LRFN2: variants seen among roughly 807,000 people sequenced by gnomAD.
The protein encoded by LRFN2 is leucine-rich repeat and fibronectin type-III domain-containing protein 2.
A neutral mutation model predicts 37.3 loss-of-function variants in LRFN2; 18 were observed. The observed-to-expected ratio is 0.48, with a 90% CI of 0.33 to 0.72. LRFN2 has a LOEUF of 0.72. LRFN2 is among the 30% of genes least tolerant of loss of function. LRFN2 has a pLI of 0.02. For missense variants in LRFN2, 1,006 were observed against 1,060.7 expected (o/e 0.95, Z 0.72); for synonymous variants, 556 against 466.6 (o/e 1.19, Z -2.47).
At chr6:40,479,751 C>A (rs1248091258) in intron 1 of LRFN2, among the ~76,000 whole-genome samples, 1 of 152,206 alleles carries the variant, frequency 6.6e-6, no homozygotes, top group African/African-American at 2.4e-5. Context: ...CCTGTCGTCA[C>A]CACAGAGCCC....
At chr6:40,578,743 T>C (rs1581804058) in intron 1 of LRFN2, among the ~76,000 whole-genome samples, 2 of 152,324 alleles carry the variant, frequency 1.3e-5, no homozygotes, top group South Asian at 2.1e-4. Flanking sequence ...ACCTTATGTA[T>C]AGTAGTTCAT....
intron 1 of LRFN2, among the ~76,000 whole-genome samples, chr6:40,531,213 A>G (rs1437538557): frequency 6.6e-6 from 1 of 152,158 alleles, no homozygotes; most frequent in Non-Finnish European, 1.5e-5. Context: ...GAATCCTACA[A>G]TATTTAGTCT....
At chr6:40,404,110 G>A (rs912720919) in intron 2 of LRFN2, among the ~76,000 whole-genome samples, 5 of 152,028 alleles carry the variant, frequency 3.3e-5, no homozygotes, top group African/African-American at 7.2e-5. Flanking sequence ...CCCAGATCAC[G>A]TTATCAACAC....
chr6:40,442,485 G>A (rs1192668075), intron 1 of LRFN2, among the ~76,000 whole-genome samples: 1 of 152,118 alleles, frequency 6.6e-6, no homozygotes, highest in Non-Finnish European at 1.5e-5. Flanking sequence ...AGCCAACTGG[G>A]GCTCCCTGAG....
intron 1 of LRFN2, among the ~76,000 whole-genome samples, chr6:40,557,344 A>T (rs545315393): frequency 6.6e-6 from 1 of 152,334 alleles, no homozygotes; most frequent in African/African-American, 2.4e-5. Context: ...TTACTAGTCA[A>T]GGAAACAGAG....
At chr6:40,476,093 G>T (rs1045223502) in intron 1 of LRFN2, among the ~76,000 whole-genome samples, 4 of 152,164 alleles carry the variant, frequency 2.6e-5, no homozygotes, top group African/African-American at 9.7e-5. Context: ...CCTTCCTACT[G>T]GGCTCCAGCC....
intron 1 of LRFN2, among the ~76,000 whole-genome samples, chr6:40,477,912 C>A (rs1009237238): frequency 1.3e-5 from 2 of 152,188 alleles, no homozygotes; most frequent in East Asian, 1.9e-4. Flanking sequence ...GACAATGCCA[C>A]AAGATGTTGT....
intron 1 of LRFN2, among the ~76,000 whole-genome samples, chr6:40,435,505 A>G (rs1763645830): frequency 6.6e-6 from 1 of 151,594 alleles, no homozygotes; most frequent in Non-Finnish European, 1.5e-5. Flanking sequence ...TTTGAGGAGC[A>G]CAGATGCAGA....
At chr6:40,525,920 C>G (rs149059477) in intron 1 of LRFN2, among the ~76,000 whole-genome samples, 150 of 152,304 alleles carry the variant, frequency 9.8e-4, no homozygotes, top group Middle Eastern at 6.8e-3. Flanking sequence ...ATGAACCCCC[C>G]TCAGAGGGCC....
chr6:40,482,287 C>T (rs918827824), intron 1 of LRFN2, among the ~76,000 whole-genome samples: 5 of 152,182 alleles, frequency 3.3e-5, no homozygotes, highest in Admixed American at 6.5e-5. Flanking sequence ...GAACCAGACC[C>T]GGATGACAAG....
intron 1 of LRFN2, among the ~76,000 whole-genome samples, chr6:40,554,041 C>A (rs1247638747): frequency 6.6e-6 from 1 of 152,236 alleles, no homozygotes; most frequent in Non-Finnish European, 1.5e-5. Flanking sequence ...GAATCACTGT[C>A]AACCCCCTTC....
At chr6:40,546,184 G>A (rs894417618) in intron 1 of LRFN2, among the ~76,000 whole-genome samples, 12 of 152,264 alleles carry the variant, frequency 7.9e-5, no homozygotes, top group South Asian at 4.1e-4. Context: ...CACAGTCAGC[G>A]GGTGATTGGC....
At chr6:40,416,991 T>C (rs1215355337) in intron 2 of LRFN2, among the ~76,000 whole-genome samples, 1 of 152,220 alleles carries the variant, frequency 6.6e-6, no homozygotes, top group Non-Finnish European at 1.5e-5. Flanking sequence ...CCTGCTTTCC[T>C]GGCCTGGGAG....
chr6:40,479,199 T>G (rs1764770991), intron 1 of LRFN2, among the ~76,000 whole-genome samples: 1 of 152,240 alleles, frequency 6.6e-6, no homozygotes, highest in Non-Finnish European at 1.5e-5. Flanking sequence ...CAGCACTCAA[T>G]AAGTTACAGC....
rs145586156 is a variant in LRFN2 at position 40,467,439 on chromosome 6, C to T, written c.-18-34308G>A. Among the ~76,000 whole-genome samples, 259 of 152,216 alleles carry T rather than the reference C, an allele frequency of 1.7e-3. 5 individuals carry two copies. The highest frequency in any genetic ancestry group is 6.0e-3 in the African/African-American group (251 of 41,506). On this transcript the variant is annotated intron_variant, in intron 1 of 2. Coordinates refer to ENST00000338305, the MANE Select transcript of LRFN2 (RefSeq NM_020737.3). ...TAAATCAGAGGAGGTGACATCCCCT[C>T]CTCCAATTGCGCTCCCTCCACAGCT...
rs184929522 is a variant in LRFN2, at chr6:40,522,374, G to A, written c.-19+64567C>T. 3.0e-4 allele frequency among the ~76,000 whole-genome samples: 45 copies of A among 152,246 alleles called. 1 individual carries two copies. Among genetic ancestry groups the A allele is most frequent in the African/African-American group, 1.0e-3 (43 of 41,552 alleles). The stretch of plus-strand genomic sequence containing the variant: ...GCTGAGCATCCAGCCAATTTTGCAA[G>A]AAGAAAAGGCCCAGAGCCCCAGCCC... On this transcript the variant is annotated intron_variant, in intron 1 of 2. Transcript: ENST00000338305.
chr6:40,532,424 T>C (rs1050298324), intron 1 of LRFN2, among the ~76,000 whole-genome samples: 3 of 152,258 alleles, frequency 2.0e-5, no homozygotes, highest in Non-Finnish European at 4.4e-5. Flanking sequence ...TATCTTTTGA[T>C]ACAATAGCCC....
intron 1 of LRFN2, among the ~76,000 whole-genome samples, chr6:40,449,509 C>G (rs1243800988): frequency 6.6e-6 from 1 of 152,182 alleles, no homozygotes; most frequent in East Asian, 1.9e-4. Context: ...TGTCTTTGCT[C>G]CTTCCTGCTT....
chr6:40,469,343 C>T (rs1474151111), intron 1 of LRFN2, among the ~76,000 whole-genome samples: 1 of 152,100 alleles, frequency 6.6e-6, no homozygotes, highest in Non-Finnish European at 1.5e-5. Context: ...TTAAGCCATC[C>T]AGCCATCCGG....
Sources: gnomAD v4.1 joint callset for allele counts (sites outside exome capture counted in the v4.1 genomes callset) on GRCh38, gnomAD v4.1.1 for gene constraint, MANE v1.5 for transcripts, NCBI Gene and HGNC (gene_info 2026-07-23, HGNC 2026-07-21) for gene names.